SCUBE2: variants seen among roughly 807,000 people sequenced by gnomAD.
SCUBE2 encodes the protein signal peptide, CUB and EGF-like domain-containing protein 2.
A neutral mutation model predicts 125.9 loss-of-function variants in SCUBE2; 114 were observed. The ratio of observed to expected loss-of-function variants is 0.91; its 90% CI spans 0.78 to 1.06. The LOEUF is 1.06. Among genes scored for constraint, SCUBE2 ranks in the 50% least tolerant of loss-of-function variants. The pLI is 0.00. For synonymous variants in SCUBE2, 459 were observed against 492.9 expected, an observed-to-expected ratio of 0.93 and a Z score of 0.91; for missense variants, 1,255 against 1,301.8, an observed-to-expected ratio of 0.96 and a Z score of 0.55.
At chr11:9,032,887 A>C (rs1856435470) in intron 17 of SCUBE2, among the ~76,000 whole-genome samples, 2 of 152,196 alleles carry the variant, frequency 1.3e-5, no homozygotes, top group South Asian at 4.1e-4. Context: ...TAAGCCAGAA[A>C]CAGCCTTGCA....
intron 2 of SCUBE2, among the ~76,000 whole-genome samples, chr11:9,084,388 A>G (rs1463284207): frequency 2.6e-5 from 4 of 152,240 alleles, no homozygotes; most frequent in African/African-American, 9.6e-5. Context: ...ATGCAAAATT[A>G]CCAGGAGACA....
chr11:9,088,609 CAGA>C (rs1862326618), intron 2 of SCUBE2, among the ~76,000 whole-genome samples: 1 of 152,192 alleles, frequency 6.6e-6, no homozygotes, highest in Admixed American at 6.5e-5. Flanking sequence ...TGCAAGTATT[CAGA>C]AGATCAATTC....
intron 2 of SCUBE2, among the ~76,000 whole-genome samples, chr11:9,084,529 G>GGA (rs1554900406): frequency 1.3e-5 from 2 of 150,758 alleles, no homozygotes; most frequent in African/African-American, 4.9e-5. Flanking sequence ...TTGCAAAGGG[G>GGA]AAAAAAAAAT....
intron 4 of SCUBE2, 88 bp downstream of exon 4, chr11:9,074,393 T>TC: frequency 6.6e-7 from 1 of 1,505,162 alleles, no homozygotes; most frequent in African/African-American, 1.4e-5. Flanking sequence ...ACCCTGTGCT[T>TC]CCCCTCTAGA....
chr11:9,091,515 C>T lies in SCUBE2; in HGVS notation c.14G>A (p.Gly5Asp). The change falls in exon 1 of 23, where the codon GGC becomes GAC. Residue 5 changes from glycine (G) to aspartate (D), a missense_variant. Physicochemically the swap from Gly to Asp is moderately conservative, Grantham distance 94. Around this residue, in one of 3 missense-constraint regions of SCUBE2, gnomAD observed 362 missense variants for 323.0 expected, o/e 1.12. Coordinates refer to ENST00000649792, the MANE Select transcript of SCUBE2 (RefSeq NM_001367977.2). This position sits in a 1 kb window ranked among gnomAD's most constrained non-coding sequence, Gnocchi z 8.5. MGVA[G>D]RNRPGAAWAV... ...CCAGGCCGCCCCGGGACGGTTGCGG[C>T]CCGCGACCCCCATGGATGGCTCAGC... 1.1e-6 allele frequency: 1 copy of T among 916,136 alleles called. No individual in the cohort carries two copies. Among genetic ancestry groups the T allele is most frequent in the Non-Finnish European group, 1.4e-6 (1 of 701,912 alleles). The allele number at this position is 916,136 out of a possible 1,614,324, so 56.8% of individuals were successfully genotyped here. A position where few individuals can be genotyped will look rare whatever the true frequency, so the allele number is the denominator to read the frequency against.
intron 21 of SCUBE2, among the ~76,000 whole-genome samples, chr11:9,024,031 C>A (rs1023017754): frequency 6.6e-6 from 1 of 151,804 alleles, no homozygotes; most frequent in Non-Finnish European, 1.5e-5. Context: ...TGAGTGAAGG[C>A]CTTGGGAGCT....
Position 9,035,704 on chromosome 11 carries a change from C to T in SCUBE2, c.2003-1908G>A, listed in dbSNP as rs139150108. Among the ~76,000 whole-genome samples, 663 of 151,698 alleles carry T rather than the reference C, an allele frequency of 4.4e-3. 7 individuals are homozygous for T. The highest frequency in any genetic ancestry group is 0.014 in the Middle Eastern group (4 of 292). On this transcript the variant is annotated intron_variant, in intron 16 of 22. Coordinates refer to ENST00000649792, the MANE Select transcript of SCUBE2 (RefSeq NM_001367977.2). ...AAAAATGTCTTTTCATTATTCATTC[C>T]AAAATCTTAAAAAAAAAATCAGGCT...
rs1438500617 is a variant in SCUBE2, at chr11:9,021,895, T to C, written c.2915A>G (p.Asn972Ser). The change falls in exon 22 of 23, where the codon AAC (asparagine) becomes AGC (serine). Residue 972 changes from asparagine (N) to serine (S), a missense_variant. Physicochemically the swap from Asn to Ser is conservative, Grantham distance 46. Coordinates refer to ENST00000649792, the MANE Select transcript of SCUBE2 (RefSeq NM_001367977.2). ...VRDGRLYASE[N>S]HQEILKDKKL... ...ACTCACCTTAAGTATTTCCTGATGG[T>C]TCTCAGATGCATAGAGCCTGCCATC... is the stretch of plus-strand genomic sequence containing the variant. The C allele has an allele frequency of 1.9e-6, 3 of 1,613,582 alleles. No individual in the cohort carries two copies. The highest frequency in any genetic ancestry group is 2.5e-6 in the Non-Finnish European group (3 of 1,179,676).
chr11:9,060,655 G>C (rs1252428458), intron 7 of SCUBE2, 131 bp from the exon 8 acceptor site: 3 of 691,354 alleles, frequency 4.3e-6, no homozygotes, highest in Non-Finnish European at 7.6e-6. Flanking sequence ...CCTGCAGATG[G>C]GCTAGAGGGA....
rs778451824 is a variant in SCUBE2, at chr11:9,033,712, C to T, written c.2087G>A (p.Gly696Glu). The change falls in exon 17 of 23, where the codon GGA (glycine) becomes GAA (glutamate). Residue 696 changes from glycine (G) to glutamate (E), a missense_variant. Physicochemically the swap from Gly to Glu is moderately conservative, Grantham distance 98. Coordinates refer to ENST00000649792, the MANE Select transcript of SCUBE2 (RefSeq NM_001367977.2). ...CPNGTFQNEEGQMTCEPCPRP... is the reference protein window; with the variant it reads ...CPNGTFQNEEEQMTCEPCPRP... ...TGGGCATGGTTCACAAGTCATTTGT[C>T]CTTCCTCATTTTGGAAGGTTCCATT... 4.3e-6 allele frequency: 7 copies of T among 1,614,114 alleles called. No homozygotes were observed. The East Asian group carries it at 1.3e-4, about 31-fold the overall frequency.
intron 10 of SCUBE2, among the ~76,000 whole-genome samples, chr11:9,054,725 A>ATATATATATATATTTTTTT (rs1368153935): frequency 9.0e-5 from 2 of 22,346 alleles, no homozygotes; most frequent in Admixed American, 7.5e-4. Context: ...ATATATATAT[A>ATATATATATATATTTTTTT]TTTTTTTTTT....
rs1191441343 is a variant in SCUBE2 at position 9,033,692 on chromosome 11, A to G, written c.2107T>C (p.Cys703Arg). 2 of 1,613,998 alleles carry G rather than the reference A, an allele frequency of 1.2e-6. No homozygotes were observed. Among genetic ancestry groups the G allele is most frequent in the East Asian group, 2.2e-5 (1 of 44,876 alleles). ...NEEGQMTCEP[C>R]PRPGNSGALK... ...GCCCCAGAATTTCCTGGTCTTGGGC[A>G]TGGTTCACAAGTCATTTGTCCTTCC... The change falls in exon 17 of 23, where the codon TGC becomes CGC. Residue 703 changes from cysteine (C) to arginine (R), a missense_variant. Physicochemically the swap from Cys to Arg is radical, Grantham distance 180. Transcript: ENST00000649792.
chr11:9,057,520 T>A (rs1859197373), intron 9 of SCUBE2: 1 of 148,964 alleles, frequency 6.7e-6, no homozygotes, highest in Non-Finnish European at 1.5e-5. Context: ...AATTCTGATT[T>A]TTTTTTTTTT....
chr11:9,055,717 A>G, intron 10 of SCUBE2, 76 bp downstream of exon 10: 1 of 1,133,336 alleles, frequency 8.8e-7, no homozygotes, highest in Non-Finnish European at 1.3e-6. Context: ...AGGAAAGCAA[A>G]CCTCAGGGGT....
At chr11:9,089,613 G>C in intron 2 of SCUBE2, 94 bp downstream of exon 2, 1 of 1,380,014 alleles carries the variant, frequency 7.2e-7, no homozygotes, top group Non-Finnish European at 1.0e-6. Context: ...GGGAGAGGAG[G>C]GGCAGTACTT....
chr11:9,019,878 G>A lies in SCUBE2; in HGVS notation c.*1167C>T, dbSNP rs1855172607. Among the ~76,000 whole-genome samples the A allele has an allele frequency of 6.6e-6, 1 of 152,204 alleles. No individual in the cohort carries two copies. The highest frequency in any genetic ancestry group is 1.5e-5 in the Non-Finnish European group (1 of 68,034). Reference sequence around the variant, plus strand: ...GAGATTTTTGCTTGGGGATTTAAATGTTTAAAGATTCAATAACACTGAAAA... The same window carrying A: ...GAGATTTTTGCTTGGGGATTTAAATATTTAAAGATTCAATAACACTGAAAA... On this transcript the variant is annotated 3_prime_UTR_variant, in exon 23 of 23. Coordinates refer to ENST00000649792, the MANE Select transcript of SCUBE2 (RefSeq NM_001367977.2).
chr11:9,022,215 C>T (rs887919258), intron 21 of SCUBE2, among the ~76,000 whole-genome samples: 7 of 152,138 alleles, frequency 4.6e-5, no homozygotes, highest in Non-Finnish European at 7.3e-5. Flanking sequence ...AGGCTCATCC[C>T]TCCACTTAGC....
intron 13 of SCUBE2, among the ~76,000 whole-genome samples, chr11:9,052,186 T>C (rs1858486678): frequency 6.6e-6 from 1 of 152,234 alleles, no homozygotes; most frequent in African/African-American, 2.4e-5. Context: ...CTGTCTTGCT[T>C]TGAGTCTCTA....
intron 3 of SCUBE2, among the ~76,000 whole-genome samples, chr11:9,078,247 G>C (rs1861358152): frequency 2.6e-5 from 4 of 152,162 alleles, no homozygotes; most frequent in African/African-American, 9.7e-5. Context: ...AAGATTACTG[G>C]TTCCCTCACC....
Sources: gnomAD v4.1 joint callset for allele counts (sites outside exome capture counted in the v4.1 genomes callset) on GRCh38, gnomAD v4.1.1 for gene constraint, gnomAD v4.1.1 regional missense constraint, Gnocchi (gnomAD v3.1) non-coding constraint, MANE v1.5 for transcripts, NCBI Gene and HGNC (gene_info 2026-07-23, HGNC 2026-07-21) for gene names.